SKA3: variants seen among roughly 807,000 people sequenced by gnomAD.
The protein encoded by SKA3 is spindle and kinetochore-associated protein 3.
A neutral mutation model predicts 44.2 loss-of-function variants in SKA3; 39 were observed. The ratio of observed to expected loss-of-function variants is 0.88; its 90% confidence interval spans 0.68 to 1.15. The LOEUF is 1.15. Ranked by LOEUF, SKA3 falls within the 50% of genes most tolerant of loss-of-function variation. SKA3 has a pLI of 0.00. For missense variants in SKA3, 511 were observed against 485.8 expected, an observed-to-expected ratio of 1.05 and a Z score of -0.49; for synonymous variants, 192 against 172.0, an observed-to-expected ratio of 1.12 and a Z score of -0.91.
intron 6 of SKA3, 41 bp from the exon 7 acceptor site, chr13:21,158,166 CAT>C (rs1565991702): frequency 6.1e-6 from 6 of 985,664 alleles, no homozygotes; most frequent in African/African-American, 1.6e-5. Context: ...GGTAATATAA[CAT>C]AATGTAGTAA....
chr13:21,157,719 C>T, intron 7 of SKA3, among the ~76,000 whole-genome samples: 1 of 152,090 alleles, frequency 6.6e-6, no homozygotes, highest in East Asian at 1.9e-4. Context: ...TCTAATGGAA[C>T]CATGATCGAC....
chr13:21,160,011 T>C (rs767996096), intron 5 of SKA3, 24 bp from the exon 6 acceptor site: 5 of 1,147,904 alleles, frequency 4.4e-6, no homozygotes, highest in Middle Eastern at 2.2e-4. Flanking sequence ...AAAATGGTCA[T>C]TAAAAAACTA....
At chr13:21,158,925 C>T (rs1482029881) in intron 6 of SKA3, among the ~76,000 whole-genome samples, 3 of 152,094 alleles carry the variant, frequency 2.0e-5, no homozygotes, top group South Asian at 2.1e-4. Context: ...GTACCTTCCA[C>T]GTGAACATAA....
intron 4 of SKA3, among the ~76,000 whole-genome samples, chr13:21,162,368 ATT>A (rs71090571): frequency 8.5e-4 from 125 of 147,548 alleles, no homozygotes; most frequent in African/African-American, 2.3e-3. Flanking sequence ...TTGTGTAAAC[ATT>A]TTTTTTTTTT....
chr13:21,154,829 C>G lies in SKA3; in HGVS notation c.*321G>C. ...GCGGCCTCATCTGAGTAGCAAACAC[C>G]TTTATATTTTTGAAATTACTTGTCC... On this transcript the variant is annotated 3_prime_UTR_variant, in exon 9 of 9. Transcript: ENST00000314759. 2.1e-6 allele frequency: 1 copy of G among 475,956 alleles called. No individual in the cohort carries two copies. The highest frequency in any genetic ancestry group is 3.8e-6 in the Non-Finnish European group (1 of 264,312). The allele number at this position is 475,956 out of a possible 1,614,324, so 29.5% of individuals were successfully genotyped here.
Position 21,157,984 on chromosome 13 carries a change from C to T in SKA3, c.1057G>A (p.Glu353Lys), listed in dbSNP as rs746101953. The T allele has an allele frequency of 8.1e-6, 13 of 1,612,984 alleles. No homozygotes were observed. Among genetic ancestry groups the T allele is most frequent in the South Asian group, 1.1e-5 (1 of 91,038 alleles). ...DPSSPTISSY[E>K]NLLRTPTPPE... ...GGTGTAGGTGTTCTGAGCAGATTCT[C>T]ATAAGAAGAAATCGTAGGTGAAGAG... is the stretch of plus-strand genomic sequence containing the variant. The change falls in exon 7 of 9, where the codon GAG (glutamate) becomes AAG (lysine). Residue 353 changes from glutamate to lysine, a missense_variant. Glu to Lys is a moderately conservative substitution (Grantham distance 56, BLOSUM62 1). Transcript: ENST00000314759.
At chr13:21,155,294 G>A (rs1046448818) in intron 8 of SKA3, 144 bp from the exon 9 acceptor site, 11 of 628,932 alleles carry the variant, frequency 1.7e-5, no homozygotes, top group South Asian at 2.6e-5. Context: ...TGGATAATTC[G>A]GGAATCTGAG....
chr13:21,173,122 T>C (rs1460878439), intron 1 of SKA3, among the ~76,000 whole-genome samples: 1 of 152,154 alleles, frequency 6.6e-6, no homozygotes, highest in African/African-American at 2.4e-5. Context: ...GTATATAGTT[T>C]AATGAACTTT....
chr13:21,174,725 G>C (rs1871340176), intron 1 of SKA3, among the ~76,000 whole-genome samples: 1 of 151,010 alleles, frequency 6.6e-6, no homozygotes, highest in Admixed American at 6.7e-5. Flanking sequence ...GAACTTAAAA[G>C]TATAATAATT....
Position 21,154,808 on chromosome 13 carries a change from C to A in SKA3, c.*342G>T, listed in dbSNP as rs1870012711. 3 of 390,978 alleles carry A rather than the reference C, an allele frequency of 7.7e-6. No individual in the cohort carries two copies. In the Admixed American group the frequency reaches 1.3e-4, roughly 17 times the overall value. 24.2% of individuals were successfully genotyped at this position (390,978 alleles called of 1,614,324 possible). A position where few individuals can be genotyped will look rare whatever the true frequency, so the allele number is the denominator to read the frequency against. ...TCTCTGGCCAGAAGGTCAGGGGCGGCCTCATCTGAGTAGCAAACACCTTTA... is the reference window on the plus strand; with the variant it reads ...TCTCTGGCCAGAAGGTCAGGGGCGGACTCATCTGAGTAGCAAACACCTTTA... On this transcript the variant is annotated 3_prime_UTR_variant, in exon 9 of 9. Transcript: ENST00000314759.
chr13:21,160,668 C>G (rs1034306604), intron 5 of SKA3, among the ~76,000 whole-genome samples: 4 of 152,080 alleles, frequency 2.6e-5, no homozygotes, highest in Non-Finnish European at 4.4e-5. Flanking sequence ...GCTGACTATT[C>G]AGCATTTTCT....
chr13:21,172,415 T>G lies in SKA3; in HGVS notation c.255A>C (p.Lys85Asn). 1 of 1,591,686 alleles carries G rather than the reference T, an allele frequency of 6.3e-7. No homozygotes were observed. Among genetic ancestry groups the G allele is most frequent in the South Asian group, 1.2e-5 (1 of 86,698 alleles). ...TTATTTTCATAATATCCATTGAATT[T>G]TTTTCCATTAGTACTTTTGTTGCCT... ...FIKATKVLME[K>N]NSMDIMKIRE... The change falls in exon 3 of 9, where the codon AAA becomes AAC. Residue 85 changes from lysine to asparagine, a missense_variant. Transcript: ENST00000314759.
intron 8 of SKA3, 25 bp from the exon 9 acceptor site, chr13:21,155,175 A>G (rs1348847047): frequency 8.2e-7 from 1 of 1,222,470 alleles, no homozygotes; most frequent in Non-Finnish European, 1.1e-6. Flanking sequence ...AATAACAAAT[A>G]TCAATTTAAT....
At chr13:21,155,633 A>G (rs893936439) in intron 8 of SKA3, 60 bp downstream of exon 8, 4 of 907,564 alleles carry the variant, frequency 4.4e-6, no homozygotes, top group Admixed American at 4.5e-5. Context: ...TCAAATGTTA[A>G]TTTTTAAATG....
intron 7 of SKA3, among the ~76,000 whole-genome samples, chr13:21,157,593 T>G (rs1870179906): frequency 6.6e-6 from 1 of 152,218 alleles, no homozygotes; most frequent in Non-Finnish European, 1.5e-5. Context: ...AATCAGTGTT[T>G]CTTAAACTGA....
intron 7 of SKA3, among the ~76,000 whole-genome samples, 175 bp from the exon 8 acceptor site, chr13:21,155,986 G>C (rs534036982): frequency 2.6e-5 from 4 of 152,150 alleles, no homozygotes; most frequent in African/African-American, 9.6e-5. Context: ...TCAGGAGTTT[G>C]AGACCAGGCT....
rs966035087 is a variant in SKA3 at position 21,153,618 on chromosome 13, T to C, written c.*1532A>G. On this transcript the variant is annotated 3_prime_UTR_variant, in exon 9 of 9. Coordinates refer to ENST00000314759, the MANE Select transcript of SKA3 (RefSeq NM_145061.6). ...AGTCAGTTCTCAGTCCTCTTTTTAT[T>C]TGAATTCTCAGCAATATTCACAGAA... 1.3e-5 allele frequency: 2 copies of C among 152,244 alleles called. No homozygotes were observed. Among genetic ancestry groups the C allele is most frequent in the African/African-American group, 4.8e-5 (2 of 41,448 alleles). 9.4% of individuals were successfully genotyped at this position (152,244 alleles called of 1,614,324 possible).
At chr13:21,157,295 T>C (rs1044031503) in intron 7 of SKA3, among the ~76,000 whole-genome samples, 1 of 152,198 alleles carries the variant, frequency 6.6e-6, no homozygotes, top group African/African-American at 2.4e-5. Flanking sequence ...CATTAGGTGA[T>C]TTCATCATGT....
At chr13:21,159,436 A>ATG (rs914118548) in intron 6 of SKA3, among the ~76,000 whole-genome samples, 49 of 152,246 alleles carry the variant, frequency 3.2e-4, no homozygotes, top group African/African-American at 1.0e-3. Flanking sequence ...GTGTATATAT[A>ATG]TGTGTGTGTG....
Sources: allele counts gnomAD v4.1 joint callset (sites outside exome capture counted in the v4.1 genomes callset), GRCh38; gene constraint gnomAD v4.1.1; transcripts MANE v1.5; gene names NCBI Gene and HGNC (gene_info 2026-07-23, HGNC 2026-07-21).